The following ADGRL3 variants were observed in gnomAD, a reference collection of about 807,000 sequenced individuals.
ADGRL3 encodes the protein calcium-independent alpha-latrotoxin receptor 3.
ADGRL3 carries 62 observed loss-of-function variants against 153.5 expected under a neutral mutation model. That is an observed-to-expected ratio of 0.40 (90% CI 0.33 to 0.50). The LOEUF (loss-of-function observed/expected upper bound fraction) is 0.50. Among genes scored for constraint, ADGRL3 ranks in the 20% least tolerant of loss-of-function variants. The pLI is 0.47. For missense variants in ADGRL3, 1,641 were observed against 1,859.4 expected (o/e 0.88, Z 2.16); for synonymous variants, 710 against 672.5 (o/e 1.06, Z -0.86).
intron 8 of ADGRL3, among the ~76,000 whole-genome samples, chr4:61,759,829 C>T (rs939634938): frequency 1.3e-5 from 2 of 152,046 alleles, no homozygotes; most frequent in Non-Finnish European, 2.9e-5. Context: ...TTGATGATGA[C>T]AACATACAGA....
At chr4:61,697,461 G>C (rs981181819) in intron 6 of ADGRL3, among the ~76,000 whole-genome samples, 1 of 151,728 alleles carries the variant, frequency 6.6e-6, no homozygotes, top group Non-Finnish European at 1.5e-5. Context: ...TCGGGAGGCT[G>C]AGGAGGAGAA....
intron 1 of ADGRL3, among the ~76,000 whole-genome samples, chr4:61,207,504 A>G (rs752149839): frequency 1.2e-4 from 18 of 152,208 alleles, no homozygotes; most frequent in Non-Finnish European, 1.9e-4. Flanking sequence ...TGCCACAGTA[A>G]ACATACATGT....
intron 6 of ADGRL3, among the ~76,000 whole-genome samples, chr4:61,682,563 A>G (rs199857354): frequency 8.8e-5 from 12 of 136,258 alleles, no homozygotes; most frequent in African/African-American, 3.3e-4. Context: ...CTTTAAAAAA[A>G]TTTTTTTTTT....
intron 2 of ADGRL3, among the ~76,000 whole-genome samples, chr4:61,403,428 AG>A (rs2152148403): frequency 6.6e-6 from 1 of 152,110 alleles, no homozygotes; most frequent in African/African-American, 2.4e-5. Flanking sequence ...ATGCCTACTT[AG>A]TGAAGTCTCA....
At chr4:62,000,731 A>G (rs1345259622) in intron 21 of ADGRL3, among the ~76,000 whole-genome samples, 4 of 152,026 alleles carry the variant, frequency 2.6e-5, no homozygotes, top group African/African-American at 9.7e-5. Flanking sequence ...TAAATTGGGT[A>G]GTTGTTAGAA....
At chr4:61,372,245 C>A (rs181367512) in intron 1 of ADGRL3, among the ~76,000 whole-genome samples, 2,306 of 152,304 alleles carry the variant, frequency 0.015, 60 homozygotes, top group African/African-American at 0.053. Flanking sequence ...AAGTCATTCT[C>A]CGTCCAGCTT....
chr4:61,256,842 T>C (rs971958762), intron 1 of ADGRL3, among the ~76,000 whole-genome samples: 1 of 152,288 alleles, frequency 6.6e-6, no homozygotes, highest in African/African-American at 2.4e-5. Context: ...CTTTTATTAG[T>C]GGAAAAAGAA....
intron 1 of ADGRL3, among the ~76,000 whole-genome samples, chr4:61,236,868 T>C (rs1753050745): frequency 6.6e-6 from 1 of 152,168 alleles, no homozygotes; most frequent in African/African-American, 2.4e-5. Flanking sequence ...GAAATCATTA[T>C]TGTAAATCTG....
intron 1 of ADGRL3, among the ~76,000 whole-genome samples, chr4:61,249,822 T>C (rs1394247628): frequency 1.3e-5 from 2 of 152,208 alleles, no homozygotes; most frequent in East Asian, 1.9e-4. Context: ...GGCTTTCTCA[T>C]GGTAGTTTTA....
chr4:61,221,047 A>C (rs2149018595), intron 1 of ADGRL3, among the ~76,000 whole-genome samples: 1 of 152,324 alleles, frequency 6.6e-6, no homozygotes, highest in Admixed American at 6.5e-5. Flanking sequence ...TGCTTATTTT[A>C]AAAGTGACAA....
At chr4:61,668,908 A>G (rs1213679227) in intron 5 of ADGRL3, among the ~76,000 whole-genome samples, 1 of 152,136 alleles carries the variant, frequency 6.6e-6, no homozygotes, top group Non-Finnish European at 1.5e-5. Flanking sequence ...GGTCCCAGTT[A>G]TTCGGGAGGC....
At chr4:61,841,336 C>A (rs1401929414) in intron 9 of ADGRL3, among the ~76,000 whole-genome samples, 1 of 152,098 alleles carries the variant, frequency 6.6e-6, no homozygotes, top group Admixed American at 6.6e-5. Context: ...TAGGTCATTT[C>A]TTAAATTTCC....
intron 19 of ADGRL3, among the ~76,000 whole-genome samples, chr4:61,993,411 C>T (rs1179164727): frequency 6.7e-6 from 1 of 150,182 alleles, no homozygotes; most frequent in African/African-American, 2.5e-5. Flanking sequence ...CCTGCCTCAG[C>T]CTCCCGATTA....
chr4:61,895,186 G>A (rs1038378079), intron 10 of ADGRL3, among the ~76,000 whole-genome samples: 20 of 152,152 alleles, frequency 1.3e-4, no homozygotes, highest in African/African-American at 3.6e-4. Context: ...AACAGTCCTC[G>A]GCTGGACACG....
At chr4:61,822,592 A>G (rs2097765848) in intron 9 of ADGRL3, among the ~76,000 whole-genome samples, 1 of 152,330 alleles carries the variant, frequency 6.6e-6, no homozygotes, top group South Asian at 2.1e-4. Flanking sequence ...AACCTGTAAC[A>G]TACTTTCCAA....
chr4:61,301,382 A>G (rs2094576640), intron 1 of ADGRL3, among the ~76,000 whole-genome samples: 1 of 152,230 alleles, frequency 6.6e-6, no homozygotes, highest in East Asian at 1.9e-4. Context: ...AACAAGTTTT[A>G]CGAAGAGATG....
At chr4:61,831,478 G>A (rs1478448279) in intron 9 of ADGRL3, among the ~76,000 whole-genome samples, 1 of 150,570 alleles carries the variant, frequency 6.6e-6, no homozygotes, top group Non-Finnish European at 1.5e-5. Flanking sequence ...AGTGAAGCAG[G>A]GGAGGTGGGG....
In ADGRL3 at chr4:61,564,379, A is replaced by G. The variant is rs561030912; in HGVS notation, c.260-22848A>G. Among the ~76,000 whole-genome samples, 7 of 152,118 alleles carry G rather than the reference A, an allele frequency of 4.6e-5. No homozygotes were observed. The East Asian group carries it at 1.4e-3, about 29-fold the overall frequency. On this transcript the variant is annotated intron_variant, in intron 4 of 26. Transcript: ENST00000683033. ...AGCCTCGAATTTCCAGACTCAAGAGATCCTCCCACCTCAGCCTCCTTAGTA... is the reference window on the plus strand; with the variant it reads ...AGCCTCGAATTTCCAGACTCAAGAGGTCCTCCCACCTCAGCCTCCTTAGTA...
At chr4:61,208,001 T>G (rs548782223) in intron 1 of ADGRL3, among the ~76,000 whole-genome samples, 53 of 152,306 alleles carry the variant, frequency 3.5e-4, no homozygotes, top group Admixed American at 7.8e-4. Context: ...TTATTTGGCA[T>G]TTTCATTATT....
Sources: allele counts gnomAD v4.1 joint callset (sites outside exome capture counted in the v4.1 genomes callset), GRCh38; gene constraint gnomAD v4.1.1; transcripts MANE v1.5; gene names NCBI Gene and HGNC (gene_info 2026-07-23, HGNC 2026-07-21).